The following TCF4 variants were observed in gnomAD, a reference collection of about 807,000 sequenced individuals.
TCF4 encodes SL3-3 enhancer factor 2.
Under a neutral mutation model 82.1 loss-of-function variants are expected in TCF4, and 3 were observed. The observed-to-expected ratio is 0.04, with a 90% CI of 0.02 to 0.09. The LOEUF (loss-of-function observed/expected upper bound fraction) is 0.09, where lower values mean the gene tolerates loss of function less well. TCF4 is among the 10% of genes least tolerant of loss of function. TCF4 has a pLI of 1.00. For missense variants in TCF4, 518 were observed against 852.7 expected (o/e 0.61, Z 4.89); for synonymous variants, 276 against 309.6 (o/e 0.89, Z 1.14).
At chr18:55,455,588 G>A (rs1179298561) in intron 5 of TCF4, among the ~76,000 whole-genome samples, 2 of 151,186 alleles carry the variant, frequency 1.3e-5, no homozygotes, top group African/African-American at 4.9e-5. Context: ...ACTAGCAAAG[G>A]GGCCTGCTTG....
rs567319635 is a variant in TCF4 at position 55,496,805 on chromosome 18, T to C, written c.146-32668A>G. 8.7e-5 allele frequency among the ~76,000 whole-genome samples: 13 copies of C among 148,636 alleles called. No individual in the cohort carries two copies. The East Asian group carries it at 2.2e-3, about 25-fold the overall frequency. On this transcript the variant is annotated intron_variant, in intron 3 of 19. Transcript: ENST00000354452. ...TTTATATACTCTAAATAGTAGAATA[T>C]ATACAGGATCCATCAATTGCTGAAA...
Position 55,514,440 on chromosome 18 carries a change from CA to C in TCF4, c.146-50304del, listed in dbSNP as rs777538328. On this transcript the variant is annotated intron_variant, in intron 3 of 19. Transcript: ENST00000354452. ...ACACACACACACACACACACACACA[CA>C]CACACCCCAATCATACCTACCACCA... Among the ~76,000 whole-genome samples the C allele has an allele frequency of 5.7e-3, 842 of 148,242 alleles. 5 individuals carry two copies. The highest frequency in any genetic ancestry group is 0.013 in the African/African-American group (555 of 41,230).
intron 3 of TCF4, among the ~76,000 whole-genome samples, chr18:55,480,035 G>C (rs767993828): frequency 6.6e-6 from 1 of 151,882 alleles, no homozygotes; most frequent in African/African-American, 2.4e-5. Context: ...GCTCAGTCTC[G>C]TCTGTCTCAA....
intron 3 of TCF4, among the ~76,000 whole-genome samples, chr18:55,521,815 G>C (rs2096935574): frequency 6.6e-6 from 1 of 152,186 alleles, no homozygotes; most frequent in Non-Finnish European, 1.5e-5. Context: ...CATTTTTAAA[G>C]GGAGTTTTTA....
chr18:55,408,664 T>C (rs1021645011), intron 5 of TCF4, among the ~76,000 whole-genome samples: 1 of 152,120 alleles, frequency 6.6e-6, no homozygotes, highest in Non-Finnish European at 1.5e-5. Flanking sequence ...AGGCAGGTAA[T>C]AGAAACACCA....
intron 8 of TCF4, among the ~76,000 whole-genome samples, chr18:55,305,922 G>C (rs2070169683): frequency 6.6e-6 from 1 of 152,178 alleles, no homozygotes; most frequent in African/African-American, 2.4e-5. Flanking sequence ...AGATACAGAG[G>C]TGAACTATTT....
intron 11 of TCF4, chr18:55,269,606 T>G (rs184351481): frequency 1.4e-4 from 80 of 583,498 alleles, no homozygotes; most frequent in Middle Eastern, 9.3e-4. Flanking sequence ...ATCTAATGAC[T>G]TGCAACGTAG....
intron 6 of TCF4, among the ~76,000 whole-genome samples, chr18:55,372,798 A>G (rs893160446): frequency 1.3e-5 from 2 of 152,160 alleles, no homozygotes; most frequent in Non-Finnish European, 2.9e-5. Context: ...AAAGGGGAGG[A>G]ACAAAGGGAG....
chr18:55,593,986 C>T (rs34556259), intron 2 of TCF4, among the ~76,000 whole-genome samples: 21,583 of 152,184 alleles, frequency 0.14, 2,013 homozygotes, highest in Admixed American at 0.28. Flanking sequence ...TATAACTAAC[C>T]AGCTAGGACC....
intron 3 of TCF4, among the ~76,000 whole-genome samples, chr18:55,549,846 C>T (rs2097244173): frequency 2.0e-5 from 3 of 152,154 alleles, no homozygotes; most frequent in Admixed American, 6.5e-5. Context: ...TGCAGTCCAC[C>T]ACTGACCGAA....
At position 55,448,487 on chromosome 18, in the gene TCF4, C is replaced by A. The variant is rs184511698; in HGVS notation, c.304+12532G>T. Among the ~76,000 whole-genome samples the A allele has an allele frequency of 6.6e-5, 10 of 152,328 alleles. No individual in the cohort carries two copies. In the East Asian group the frequency reaches 1.9e-3, roughly 29 times the overall value. On this transcript the variant is annotated intron_variant, in intron 5 of 19. Transcript: ENST00000354452. ...GACCATGTCTTGAACGGCTAAATGGCCTAGCAAATGCAAAGATTTTCCCAT... is the reference window on the plus strand; with the variant it reads ...GACCATGTCTTGAACGGCTAAATGGACTAGCAAATGCAAAGATTTTCCCAT...
intron 15 of TCF4, among the ~76,000 whole-genome samples, chr18:55,248,342 G>A (rs2053947852): frequency 6.6e-6 from 1 of 152,192 alleles, no homozygotes; most frequent in African/African-American, 2.4e-5. Flanking sequence ...TTCTGTAACA[G>A]GCTATTTAGA....
At chr18:55,424,843 C>A (rs2094915553) in intron 5 of TCF4, among the ~76,000 whole-genome samples, 1 of 152,104 alleles carries the variant, frequency 6.6e-6, no homozygotes, top group South Asian at 2.1e-4. Flanking sequence ...ATACTTTCCC[C>A]AGCTTTAGGA....
intron 6 of TCF4, among the ~76,000 whole-genome samples, chr18:55,375,606 A>T (rs144534295): frequency 6.6e-6 from 1 of 152,182 alleles, no homozygotes; most frequent in East Asian, 1.9e-4. Context: ...ATATTTGCCA[A>T]TGATTTTCTT....
chr18:55,388,876 C>A (rs909468891), intron 6 of TCF4, among the ~76,000 whole-genome samples: 2 of 152,136 alleles, frequency 1.3e-5, no homozygotes, highest in Non-Finnish European at 2.9e-5. Flanking sequence ...GTAATCTCAG[C>A]ACTTTGGGAG....
intron 8 of TCF4, among the ~76,000 whole-genome samples, chr18:55,291,601 G>A (rs1306705016): frequency 1.3e-5 from 2 of 152,116 alleles, no homozygotes; most frequent in African/African-American, 4.8e-5. Context: ...ATTACCAAAT[G>A]TATGACTCTG....
At chr18:55,350,061 C>A (rs1268181130) in intron 8 of TCF4, among the ~76,000 whole-genome samples, 1 of 152,150 alleles carries the variant, frequency 6.6e-6, no homozygotes, top group African/African-American at 2.4e-5. Context: ...AACTAATACT[C>A]ATTCTCTTGC....
chr18:55,406,951 T>C, intron 5 of TCF4, among the ~76,000 whole-genome samples: 1 of 152,158 alleles, frequency 6.6e-6, no homozygotes, highest in Non-Finnish European at 1.5e-5. Flanking sequence ...CTAAAACTAC[T>C]CAAAAGAGGC....
chr18:55,321,617 C>T (rs777792385), intron 8 of TCF4: 3 of 1,535,956 alleles, frequency 2.0e-6, no homozygotes, highest in South Asian at 1.2e-5. Context: ...GATGCTCATC[C>T]CTGCGACAAT....
Sources: gnomAD v4.1 joint callset for allele counts (sites outside exome capture counted in the v4.1 genomes callset) on GRCh38, gnomAD v4.1.1 for gene constraint, MANE v1.5 for transcripts, NCBI Gene and HGNC (gene_info 2026-07-23, HGNC 2026-07-21) for gene names.